The following TTR variants were observed in gnomAD, a reference collection of about 807,000 sequenced individuals.
The protein encoded by TTR is epididymis luminal protein 111.
In TTR, 8 loss-of-function variants were observed where a neutral mutation model predicts 13.7. The ratio of observed to expected loss-of-function variants is 0.58; its 90% CI spans 0.34 to 1.05. The LOEUF is 1.05. TTR is among the 50% of genes least tolerant of loss of function. The probability of loss-of-function intolerance (pLI) is 0.02; values close to 1 mark genes in which losing one functional copy is unlikely to be tolerated. For missense variants in TTR, 135 were observed against 185.5 expected (o/e 0.73, Z 1.58); for synonymous variants, 75 against 71.7 (o/e 1.05, Z -0.23).
At chr18:31,595,421 A>G in intron 3 of TTR, 166 bp downstream of exon 3, 1 of 937,928 alleles carries the variant, frequency 1.1e-6, no homozygotes. Flanking sequence ...CAACACTCTG[A>G]GAAGCAAATT....
At chr18:31,596,956 G>A (rs540644594) in intron 3 of TTR, among the ~76,000 whole-genome samples, 1 of 152,236 alleles carries the variant, frequency 6.6e-6, no homozygotes, top group East Asian at 1.9e-4. Context: ...ACTCTACCTT[G>A]GCCAGTGACC....
intron 1 of TTR, 83 bp from the exon 2 acceptor site, chr18:31,592,813 T>C (rs1365716217): frequency 3.0e-5 from 48 of 1,585,644 alleles, no homozygotes; most frequent in Non-Finnish European, 2.8e-5. Flanking sequence ...CTTGTTTCGC[T>C]CCAGATTTCT....
In TTR at chr18:31,593,027, G is replaced by T; in HGVS notation, c.200+1G>T. 6.2e-7 allele frequency: 1 copy of T among 1,613,790 alleles called. No individual in the cohort carries two copies. The highest frequency in any genetic ancestry group is 8.5e-7 in the Non-Finnish European group (1 of 1,179,792). On this transcript the variant is annotated splice_donor_variant, in intron 2 of 3. Transcript: ENST00000237014. LOFTEE classifies it high-confidence loss of function. ...ACACCTGGGAGCCATTTGCCTCTGG[G>T]TAAGTTGCCAAAGAACCCTCCCACA... is the stretch of plus-strand genomic sequence containing the variant.
intron 2 of TTR, among the ~76,000 whole-genome samples, chr18:31,594,664 G>C (rs1220819054): frequency 6.6e-6 from 1 of 152,166 alleles, no homozygotes; most frequent in Non-Finnish European, 1.5e-5. Context: ...AGGAGTTCAA[G>C]ACCAGCCTGG....
intron 3 of TTR, among the ~76,000 whole-genome samples, chr18:31,597,665 A>G (rs887204612): frequency 1.3e-5 from 2 of 152,208 alleles, no homozygotes; most frequent in Non-Finnish European, 2.9e-5. Flanking sequence ...CAAGGCCTGT[A>G]TACAAAATAA....
chr18:31,595,592 CAA>C (rs981906278), intron 3 of TTR: 12 of 396,102 alleles, frequency 3.0e-5, no homozygotes, highest in Admixed American at 6.9e-5. Context: ...GTGTATGTAA[CAA>C]GAGATGCACC....
Position 31,592,977 on chromosome 18 carries a change from C to T in TTR, c.151C>T (p.His51Tyr), listed in dbSNP as rs915983905. The change falls in exon 2 of 4, where the codon CAT becomes TAT. Residue 51 changes from histidine to tyrosine, a missense_variant. Transcript: ENST00000237014. ...RGSPAINVAV[H>Y]VFRKAADDTW... Reference sequence around the variant, plus strand: ...CAGTCCTGCCATCAATGTGGCCGTGCATGTGTTCAGAAAGGCTGCTGATGA... The same window carrying T: ...CAGTCCTGCCATCAATGTGGCCGTGTATGTGTTCAGAAAGGCTGCTGATGA... 2 of 1,613,990 alleles carry T rather than the reference C, an allele frequency of 1.2e-6. No homozygotes were observed. Among genetic ancestry groups the T allele is most frequent in the Non-Finnish European group, 1.7e-6 (2 of 1,179,988 alleles).
intron 3 of TTR, chr18:31,596,100 A>C (rs1220133065): frequency 1.9e-5 from 3 of 154,878 alleles, no homozygotes; most frequent in Non-Finnish European, 4.4e-5. Context: ...AAACAGTTAT[A>C]CATGGACCCA....
At chr18:31,597,754 C>A (rs2073523981) in intron 3 of TTR, among the ~76,000 whole-genome samples, 1 of 152,332 alleles carries the variant, frequency 6.6e-6, no homozygotes, top group African/African-American at 2.4e-5. Flanking sequence ...CTCTGAGAAC[C>A]AAGGCTGTCC....
At chr18:31,592,806 G>A in intron 1 of TTR, 90 bp from the exon 2 acceptor site, 1 of 1,565,222 alleles carries the variant, frequency 6.4e-7, no homozygotes, top group Non-Finnish European at 8.7e-7. Flanking sequence ...TGTAATTCTT[G>A]TTTCGCTCCA....
At chr18:31,594,001 C>T (rs971600673) in intron 2 of TTR, among the ~76,000 whole-genome samples, 2 of 152,142 alleles carry the variant, frequency 1.3e-5, no homozygotes, top group South Asian at 2.1e-4. Flanking sequence ...TTTTAACTGG[C>T]TTTTTATTTG....
At position 31,598,069 on chromosome 18, in the gene TTR, C is replaced by T. The variant is rs2073525471; in HGVS notation, c.337-499C>T. On this transcript the variant is annotated intron_variant, in intron 3 of 3. Coordinates refer to ENST00000237014, the MANE Select transcript of TTR (RefSeq NM_000371.4). ...TGGAGACAGGAGACTTGCCTTCCTA[C>T]TATGGTTCCATCAGAATGTAGACTG... The T allele has an allele frequency of 1.3e-5, 3 of 232,332 alleles. No homozygotes were observed. In the South Asian group the frequency reaches 1.9e-4, roughly 15 times the overall value. 14.4% of individuals were successfully genotyped at this position (232,332 alleles called of 1,614,324 possible).
At chr18:31,593,373 T>C (rs2073496749) in intron 2 of TTR, 3 of 303,332 alleles carry the variant, frequency 9.9e-6, no homozygotes, top group East Asian at 1.6e-4. Flanking sequence ...TACACACACA[T>C]ACAAAATCAT....
chr18:31,595,576 C>T (rs934648359), intron 3 of TTR: 11 of 432,306 alleles, frequency 2.5e-5, no homozygotes, highest in Non-Finnish European at 3.1e-5. Flanking sequence ...CCAGACCCCA[C>T]GTAGAGTGTA....
chr18:31,592,042 C>A (rs2073489009), intron 1 of TTR, 71 bp downstream of exon 1: 6 of 1,536,510 alleles, frequency 3.9e-6, no homozygotes, highest in Non-Finnish European at 4.5e-6. Context: ...TGACTCCTTC[C>A]AGCTTTGCCA....
intron 3 of TTR, among the ~76,000 whole-genome samples, chr18:31,597,485 T>G (rs553017661): frequency 6.6e-6 from 1 of 152,242 alleles, no homozygotes; most frequent in Non-Finnish European, 1.5e-5. Context: ...GAGCCCTTTC[T>G]TCCTAAGAGA....
chr18:31,596,615 A>G (rs1436512716), intron 3 of TTR, among the ~76,000 whole-genome samples: 1 of 151,990 alleles, frequency 6.6e-6, no homozygotes, highest in East Asian at 1.9e-4. Flanking sequence ...GTTCTCTTTC[A>G]TTAGATCTTA....
At chr18:31,593,133 T>G in intron 2 of TTR, 107 bp downstream of exon 2, 1 of 1,558,046 alleles carries the variant, frequency 6.4e-7, no homozygotes, top group Non-Finnish European at 8.8e-7. Context: ...TACAAGTAGA[T>G]TGAAAAACGT....
intron 3 of TTR, among the ~76,000 whole-genome samples, chr18:31,598,245 CT>C (rs949602595): frequency 3.3e-5 from 5 of 152,142 alleles, no homozygotes; most frequent in Non-Finnish European, 7.4e-5. Flanking sequence ...TTCTCCCTAC[CT>C]TTTTTTTCTA....
Sources: gnomAD v4.1 joint callset for allele counts (sites outside exome capture counted in the v4.1 genomes callset) on GRCh38, gnomAD v4.1.1 for gene constraint, MANE v1.5 for transcripts, NCBI Gene and HGNC (gene_info 2026-07-23, HGNC 2026-07-21) for gene names.